Variants in RELCH observed in about 807,000 individuals in gnomAD.
RELCH encodes the protein RAB11-binding protein RELCH.
A neutral mutation model predicts 150.3 loss-of-function variants in RELCH; 41 were observed. The ratio of observed to expected loss-of-function variants is 0.27; its 90% CI spans 0.21 to 0.35. RELCH has a LOEUF of 0.35. Among genes scored for constraint, RELCH ranks in the 10% least tolerant of loss-of-function variants. The probability of loss-of-function intolerance (pLI) is 1.00; values close to 1 mark genes in which losing one functional copy is unlikely to be tolerated. For missense variants in RELCH, 1,092 were observed against 1,467.8 expected, an observed-to-expected ratio of 0.74 and a Z score of 4.18; for synonymous variants, 478 against 531.8, an observed-to-expected ratio of 0.90 and a Z score of 1.39.
At chr18:62,278,006 C>T (rs747465990) in intron 22 of RELCH, 6 of 183,448 alleles carry the variant, frequency 3.3e-5, no homozygotes, top group African/African-American at 4.7e-5. Context: ...GCCTCAGTTT[C>T]TTCATCTGTT....
At chr18:62,267,670 T>C (rs1335597791) in intron 19 of RELCH, among the ~76,000 whole-genome samples, 1 of 151,698 alleles carries the variant, frequency 6.6e-6, no homozygotes, top group Non-Finnish European at 1.5e-5. Context: ...GTGGGGGCGG[T>C]GGACAAATAA....
At chr18:62,235,565 A>G (rs941768779) in intron 10 of RELCH, among the ~76,000 whole-genome samples, 11 of 151,986 alleles carry the variant, frequency 7.2e-5, no homozygotes, top group Non-Finnish European at 1.6e-4. Context: ...TAACAACATT[A>G]AGTTTTCCAG....
intron 1 of RELCH, among the ~76,000 whole-genome samples, chr18:62,210,841 C>T (rs1308138182): frequency 6.6e-6 from 1 of 152,196 alleles, no homozygotes; most frequent in Non-Finnish European, 1.5e-5. Context: ...CTTGTTCAAT[C>T]TGTAAACTCT....
rs1275532899 is a variant in RELCH at position 62,187,629 on chromosome 18, G to T, written c.124G>T (p.Gly42Cys). The T allele has an allele frequency of 6.5e-7, 1 of 1,537,614 alleles. No individual in the cohort carries two copies. The highest frequency in any genetic ancestry group is 1.4e-5 in the African/African-American group (1 of 72,466). ...GGAACGGCGGGCAGTACTTCGGCTG[G>T]GCGCCGGAAGTGGCCTAGATCCTGG... ...TEERRAVLRL[G>C]AGSGLDPGSA... The change falls in exon 1 of 29, where the codon GGC becomes TGC. Residue 42 changes from glycine (G) to cysteine (C), a missense_variant. Physicochemically the swap from Gly to Cys is radical, Grantham distance 159 (BLOSUM62 -3). Coordinates refer to ENST00000644646, the MANE Select transcript of RELCH (RefSeq NM_001346231.2).
chr18:62,273,883 C>T, intron 20 of RELCH, 97 bp from the exon 21 acceptor site: 1 of 753,576 alleles, frequency 1.3e-6, no homozygotes, highest in Non-Finnish European at 2.2e-6. Flanking sequence ...ATATTTTCCC[C>T]TTATTTGGTA....
At chr18:62,242,392 G>C (rs1427923531) in intron 10 of RELCH, among the ~76,000 whole-genome samples, 1 of 152,180 alleles carries the variant, frequency 6.6e-6, no homozygotes, top group Non-Finnish European at 1.5e-5. Flanking sequence ...TTGATTCATA[G>C]CAACTGCTGT....
intron 22 of RELCH, chr18:62,277,856 C>T (rs2044296760): frequency 1.1e-6 from 1 of 902,698 alleles, no homozygotes; most frequent in Non-Finnish European, 1.3e-6. Flanking sequence ...CAGAAAAGAG[C>T]TTCATATATA....
Position 62,305,561 on chromosome 18 carries a change from A to G in RELCH, c.*27A>G. Reference sequence around the variant, plus strand: ...AGCAGGAAAGAAGCCCCCAGTAAACACTAAGATGGACCTCAAGCCGACTGG... The same window carrying G: ...AGCAGGAAAGAAGCCCCCAGTAAACGCTAAGATGGACCTCAAGCCGACTGG... On this transcript the variant is annotated 3_prime_UTR_variant, in exon 29 of 29. Transcript: ENST00000644646. The surrounding 1 kb of genome is among the most constrained non-coding windows in gnomAD (Gnocchi z 4.0). 6.3e-7 allele frequency: 1 copy of G among 1,588,092 alleles called. No individual in the cohort carries two copies. The highest frequency in any genetic ancestry group is 8.5e-7 in the Non-Finnish European group (1 of 1,169,766).
At chr18:62,289,203 G>C (rs1293599471) in intron 26 of RELCH, among the ~76,000 whole-genome samples, 1 of 152,078 alleles carries the variant, frequency 6.6e-6, no homozygotes, top group African/African-American at 2.4e-5. Flanking sequence ...TATGGTAAGG[G>C]GAAGAACCAT....
intron 27 of RELCH, among the ~76,000 whole-genome samples, chr18:62,297,683 T>C (rs1568449746): frequency 1.3e-5 from 2 of 152,158 alleles, no homozygotes; most frequent in African/African-American, 4.8e-5. Context: ...CAAGGCACTA[T>C]AGGATCTGGC....
In RELCH at chr18:62,258,095, T is replaced by G; in HGVS notation, c.2037+7T>G. 6.3e-7 allele frequency: 1 copy of G among 1,590,632 alleles called. No homozygotes were observed. The highest frequency in any genetic ancestry group is 8.6e-7 in the Non-Finnish European group (1 of 1,168,906). On this transcript the variant is annotated splice_region_variant and intron_variant, in intron 14 of 28. Transcript: ENST00000644646. Reference sequence around the variant, plus strand: ...TCCAGACAAATATCATCAGGTATGTTTTTCAGAATGAACTGATTTTACTCC... The same window carrying G: ...TCCAGACAAATATCATCAGGTATGTGTTTCAGAATGAACTGATTTTACTCC...
Position 62,228,451 on chromosome 18 carries a change from C to G in RELCH, c.1301C>G (p.Thr434Arg), listed in dbSNP as rs149719715. 98 of 1,613,394 alleles carry G rather than the reference C, an allele frequency of 6.1e-5. No individual in the cohort carries two copies. The African/African-American group carries it at 1.1e-3, about 17-fold the overall frequency. ...AATAGTTCAGACAAGGGAAAAAACA[C>G]AGACATCCATCTTTCAATATCAGAT... ...DVNSSDKGKN[T>R]DIHLSISDEA... is the part of the protein sequence containing the mutation. The change falls in exon 8 of 29, where the codon ACA becomes AGA. Residue 434 changes from threonine (T) to arginine (R), a missense_variant. By Grantham distance (71) the Thr-to-Arg change is moderately conservative. This residue lies in a region of RELCH where 707 missense variants were observed against 1,025.4 expected (regional missense o/e 0.69). Coordinates refer to ENST00000644646, the MANE Select transcript of RELCH (RefSeq NM_001346231.2).
At chr18:62,280,516 A>T (rs1016685751) in intron 23 of RELCH, 130 bp from the exon 24 acceptor site, 17 of 1,435,432 alleles carry the variant, frequency 1.2e-5, no homozygotes, top group African/African-American at 1.4e-5. Context: ...TGCTTTTTTT[A>T]AATTTATTTA....
At chr18:62,204,880 T>G (rs2039682702) in intron 1 of RELCH, among the ~76,000 whole-genome samples, 1 of 152,230 alleles carries the variant, frequency 6.6e-6, no homozygotes, top group Admixed American at 6.5e-5. Context: ...ACAGTAAGAA[T>G]AGCTATTTTC....
intron 18 of RELCH, among the ~76,000 whole-genome samples, chr18:62,265,375 A>G (rs1236099383): frequency 6.6e-6 from 1 of 152,020 alleles, no homozygotes; most frequent in Non-Finnish European, 1.5e-5. Flanking sequence ...ACATTTGCCT[A>G]TCCAGGTTAT....
At chr18:62,196,157 C>T (rs1217954623) in intron 1 of RELCH, among the ~76,000 whole-genome samples, 4 of 152,228 alleles carry the variant, frequency 2.6e-5, no homozygotes, top group African/African-American at 4.8e-5. Context: ...TAGTTCCCCT[C>T]TGTTAAGTTG....
chr18:62,227,246 A>G, intron 5 of RELCH, 43 bp from the exon 6 acceptor site: 1 of 1,331,550 alleles, frequency 7.5e-7, no homozygotes. Flanking sequence ...ATGTAAGATA[A>G]AATTTCCTCG....
intron 22 of RELCH, 37 bp from the exon 23 acceptor site, chr18:62,279,737 G>A: frequency 5.2e-6 from 7 of 1,350,396 alleles, no homozygotes; most frequent in Non-Finnish European, 7.2e-6. Context: ...CTCTTTCCGT[G>A]CATCACCTGT....
intron 27 of RELCH, among the ~76,000 whole-genome samples, chr18:62,297,976 T>C (rs1467433634): frequency 6.6e-6 from 1 of 152,220 alleles, no homozygotes; most frequent in Non-Finnish European, 1.5e-5. Flanking sequence ...ATGTTTTTTC[T>C]AAAACCCTTA....
Sources: gnomAD v4.1 joint callset for allele counts (sites outside exome capture counted in the v4.1 genomes callset) on GRCh38, gnomAD v4.1.1 for gene constraint, gnomAD v4.1.1 regional missense constraint, Gnocchi (gnomAD v3.1) non-coding constraint, MANE v1.5 for transcripts, NCBI Gene and HGNC (gene_info 2026-07-23, HGNC 2026-07-21) for gene names.